Variants in WWOX observed in about 807,000 individuals in gnomAD.
WWOX encodes the protein WW domain containing oxidoreductase, also known as WW domain-containing oxidoreductase.
In WWOX, 69 loss-of-function variants were observed where a neutral mutation model predicts 46.2. The ratio of observed to expected loss-of-function variants is 1.49; its 90% confidence interval spans 1.23 to 1.82. The LOEUF is 1.82. WWOX is among the 40% of genes most tolerant of loss of function. The pLI, the probability that WWOX is intolerant of heterozygous loss-of-function variation, is 0.00. For synonymous variants in WWOX, 359 were observed against 202.6 expected, an observed-to-expected ratio of 1.77 and a Z score of -6.56; for missense variants, 919 against 542.6, an observed-to-expected ratio of 1.69 and a Z score of -6.89.
At chr16:78,890,460 C>A (rs2044566018) in intron 8 of WWOX, 1 of 151,778 alleles carries the variant, frequency 6.6e-6, no homozygotes, top group African/African-American at 2.4e-5. Flanking sequence ...TCCCCCAGCC[C>A]CAGTCAGGAG....
chr16:78,942,476 A>T (rs1440162919), intron 8 of WWOX, among the ~76,000 whole-genome samples: 2 of 152,186 alleles, frequency 1.3e-5, no homozygotes, highest in Non-Finnish European at 2.9e-5. Context: ...AATAATCATA[A>T]GAAGAAGACA....
At chr16:78,255,189 C>T (rs779084776) in intron 5 of WWOX, among the ~76,000 whole-genome samples, 1 of 152,194 alleles carries the variant, frequency 6.6e-6, no homozygotes, top group African/African-American at 2.4e-5. Context: ...ACTGTCTTGG[C>T]ACATTCAGAT....
intron 5 of WWOX, among the ~76,000 whole-genome samples, chr16:78,326,952 A>G (rs892069393): frequency 1.3e-5 from 2 of 152,122 alleles, no homozygotes; most frequent in Non-Finnish European, 2.9e-5. Context: ...TGCAAACTGA[A>G]TTTCTCTTGC....
chr16:78,559,349 A>G (rs534642314), intron 8 of WWOX, among the ~76,000 whole-genome samples: 2 of 152,186 alleles, frequency 1.3e-5, no homozygotes, highest in African/African-American at 4.8e-5. Flanking sequence ...AGTCCCGGCA[A>G]GAGATCATGG....
At chr16:78,616,653 C>A (rs1326859897) in intron 8 of WWOX, among the ~76,000 whole-genome samples, 1 of 151,910 alleles carries the variant, frequency 6.6e-6, no homozygotes, top group Non-Finnish European at 1.5e-5. Flanking sequence ...CTTGTAATCC[C>A]AGCCACTTGG....
intron 8 of WWOX, among the ~76,000 whole-genome samples, chr16:78,531,470 C>T (rs545379354): frequency 6.6e-6 from 1 of 152,036 alleles, no homozygotes; most frequent in Non-Finnish European, 1.5e-5. Context: ...TTATGTCATA[C>T]CAAAAATTAT....
chr16:78,364,124 C>G (rs1397765292), intron 5 of WWOX, among the ~76,000 whole-genome samples: 3 of 152,184 alleles, frequency 2.0e-5, no homozygotes, highest in African/African-American at 7.2e-5. Context: ...GTGGATGTCG[C>G]TCTCTATCCG....
rs1031524129 is a variant in WWOX at position 78,184,290 on chromosome 16, G to C, written c.516+20001G>C. 4.6e-5 allele frequency among the ~76,000 whole-genome samples: 7 copies of C among 152,178 alleles called. No homozygotes were observed. In the East Asian group the frequency reaches 1.4e-3, roughly 29 times the overall value. ...GAAGTGTTTTCATATTTGAATTTAC[G>C]GGGATGGGGTGGGCTGGGGTAGGCA... On this transcript the variant is annotated intron_variant, in intron 5 of 8. Coordinates refer to ENST00000566780, the MANE Select transcript of WWOX (RefSeq NM_016373.4).
At chr16:78,337,923 C>T (rs72792392) in intron 5 of WWOX, among the ~76,000 whole-genome samples, 11,843 of 120,242 alleles carry the variant, frequency 0.098, 2,202 homozygotes, top group East Asian at 0.21. Flanking sequence ...GTCCTGCTAA[C>T]CTCGTGTCTC....
intron 8 of WWOX, among the ~76,000 whole-genome samples, chr16:79,112,843 C>G (rs2049443107): frequency 6.6e-6 from 1 of 152,152 alleles, no homozygotes; most frequent in South Asian, 2.1e-4. Flanking sequence ...CGTCCAAGGT[C>G]AGATTCTGAA....
intron 8 of WWOX, among the ~76,000 whole-genome samples, chr16:79,202,212 G>C (rs2051368768): frequency 6.6e-6 from 1 of 152,136 alleles, no homozygotes. Context: ...GCCCTTTGCA[G>C]AAGTAGTTTA....
intron 8 of WWOX, among the ~76,000 whole-genome samples, chr16:78,746,667 C>G (rs1239254935): frequency 6.6e-6 from 1 of 151,638 alleles, no homozygotes; most frequent in East Asian, 1.9e-4. Flanking sequence ...GCATGATTGG[C>G]TTTGTACTCC....
chr16:78,497,598 G>A (rs1210910215), intron 8 of WWOX, among the ~76,000 whole-genome samples: 1 of 152,220 alleles, frequency 6.6e-6, no homozygotes, highest in Admixed American at 6.5e-5. Flanking sequence ...TGTACACACA[G>A]CGTAAATGCA....
In WWOX at chr16:78,990,135, G is replaced by T. The variant is rs913231067; in HGVS notation, c.1057-221473G>T. On this transcript the variant is annotated intron_variant, in intron 8 of 8. Coordinates refer to ENST00000566780, the MANE Select transcript of WWOX (RefSeq NM_016373.4). ...GGAAGTCTAGGCTGCAGTGAGCCAT[G>T]ACCTTGCCACTGCACACCAGCCTGG... Among the ~76,000 whole-genome samples the T allele has an allele frequency of 2.7e-5, 4 of 149,282 alleles. No homozygotes were observed. The Admixed American group carries it at 2.7e-4, about 10-fold the overall frequency.
At chr16:78,129,504 G>T (rs2033504242) in intron 4 of WWOX, among the ~76,000 whole-genome samples, 1 of 152,152 alleles carries the variant, frequency 6.6e-6, no homozygotes, top group African/African-American at 2.4e-5. Flanking sequence ...GACTGCCGTT[G>T]TGTGTGCAGT....
At chr16:78,582,015 G>A (rs143868416) in intron 8 of WWOX, among the ~76,000 whole-genome samples, 70 of 152,234 alleles carry the variant, frequency 4.6e-4, no homozygotes, top group East Asian at 1.5e-3. Context: ...TAAATATTTC[G>A]TTTGTAGACA....
At chr16:78,891,050 G>A (rs1049785693) in intron 8 of WWOX, 21 of 152,132 alleles carry the variant, frequency 1.4e-4, no homozygotes, top group African/African-American at 4.6e-4. Context: ...ATGATGGCTA[G>A]TCTGTTTCAT....
chr16:78,980,347 C>G (rs1183131691), intron 8 of WWOX, among the ~76,000 whole-genome samples: 7 of 152,116 alleles, frequency 4.6e-5, no homozygotes, highest in African/African-American at 1.7e-4. Context: ...TTTGAGTAAA[C>G]ACTTGCACTG....
intron 5 of WWOX, among the ~76,000 whole-genome samples, chr16:78,354,406 C>G (rs1005746403): frequency 6.7e-6 from 1 of 148,260 alleles, no homozygotes; most frequent in African/African-American, 2.5e-5. Flanking sequence ...GACTCAGGCA[C>G]TTTATTTAAT....
Sources: gnomAD v4.1 joint callset for allele counts (sites outside exome capture counted in the v4.1 genomes callset) on GRCh38, gnomAD v4.1.1 for gene constraint, MANE v1.5 for transcripts, NCBI Gene and HGNC (gene_info 2026-07-23, HGNC 2026-07-21) for gene names.